The following CD38 variants were observed in gnomAD, a reference collection of about 807,000 sequenced individuals.
CD38 encodes the protein ADP-ribosyl cyclase/cyclic ADP-ribose hydrolase 1.
In CD38, 31 loss-of-function variants were observed where a neutral mutation model predicts 36.3. The observed-to-expected ratio is 0.85, with a 90% CI of 0.64 to 1.15. CD38 has a LOEUF of 1.15. CD38 is among the 50% of genes most tolerant of loss of function. The probability of loss-of-function intolerance (pLI) is 0.00; values close to 1 mark genes in which losing one functional copy is unlikely to be tolerated. For missense variants in CD38, 380 were observed against 371.9 expected, an observed-to-expected ratio of 1.02 and a Z score of -0.18; for synonymous variants, 131 against 135.2, an observed-to-expected ratio of 0.97 and a Z score of 0.22.
At chr4:15,842,072 C>G (rs1010992741) in intron 7 of CD38, among the ~76,000 whole-genome samples, 1 of 133,582 alleles carries the variant, frequency 7.5e-6, no homozygotes, top group Non-Finnish European at 1.6e-5. Flanking sequence ...CTCAAGGAGG[C>G]CTGCCTGCCT....
chr4:15,827,961 T>C (rs1723884988), intron 3 of CD38, among the ~76,000 whole-genome samples: 1 of 152,304 alleles, frequency 6.6e-6, no homozygotes, highest in African/African-American at 2.4e-5. Context: ...AATGAATTTA[T>C]GAATACAATG....
At chr4:15,823,613 A>T (rs1723785507) in intron 2 of CD38, among the ~76,000 whole-genome samples, 1 of 152,180 alleles carries the variant, frequency 6.6e-6, no homozygotes, top group South Asian at 2.1e-4. Flanking sequence ...GCAAATCAAA[A>T]CCACAATCTC....
chr4:15,824,958 C>T lies in CD38; in HGVS notation c.441C>T (p.Asp147=), dbSNP rs1471520360. 9 of 1,613,894 alleles carry T rather than the reference C, an allele frequency of 5.6e-6. No homozygotes were observed. The highest frequency in any genetic ancestry group is 7.6e-6 in the Non-Finnish European group (9 of 1,179,880). ...AGCGGGACATGTTCACCCTGGAGGA[C>T]ACGCTGCTAGGCTACCTTGCTGATG... is the stretch of plus-strand genomic sequence containing the variant. ...QVQRDMFTLE[D]TLLGYLADDL... Residue 147 remains aspartate, a synonymous_variant, in exon 3 of 8, where the codon GAC becomes GAT. Transcript: ENST00000226279.
At chr4:15,841,600 C>G (rs940519454) in intron 7 of CD38, among the ~76,000 whole-genome samples, 4 of 148,844 alleles carry the variant, frequency 2.7e-5, no homozygotes, top group African/African-American at 1.0e-4. Flanking sequence ...CAGCTCCCAG[C>G]GTGAGCGACG....
intron 2 of CD38, among the ~76,000 whole-genome samples, chr4:15,821,866 G>A (rs965966223): frequency 3.3e-4 from 50 of 151,270 alleles, no homozygotes; most frequent in African/African-American, 1.1e-3. Context: ...ATAAAAACTG[G>A]CAGAGATTTA....
intron 1 of CD38, among the ~76,000 whole-genome samples, chr4:15,806,971 C>A (rs556192004): frequency 5.7e-4 from 87 of 152,246 alleles, no homozygotes; most frequent in African/African-American, 1.9e-3. Context: ...TTGTCATAAT[C>A]CCTTTGATTC....
At chr4:15,799,669 C>G (rs141625636) in intron 1 of CD38, among the ~76,000 whole-genome samples, 1 of 152,202 alleles carries the variant, frequency 6.6e-6, no homozygotes, top group African/African-American at 2.4e-5. Context: ...TTTTTGGATA[C>G]AATGAATAGA....
At chr4:15,808,288 C>G (rs1304253066) in intron 1 of CD38, among the ~76,000 whole-genome samples, 2 of 152,210 alleles carry the variant, frequency 1.3e-5, no homozygotes, top group African/African-American at 4.8e-5. Context: ...GGCACCAACA[C>G]TGTCTTACCT....
chr4:15,781,780 G>T (rs1021544541), intron 1 of CD38, among the ~76,000 whole-genome samples: 9 of 152,144 alleles, frequency 5.9e-5, no homozygotes, highest in African/African-American at 1.7e-4. Context: ...TAATCATCAC[G>T]TACATGTTTT....
rs948640003 is a variant in CD38 at position 15,850,328 on chromosome 4, A to G, written c.*1726A>G. On this transcript the variant is annotated 3_prime_UTR_variant, in exon 8 of 8. Coordinates refer to ENST00000226279, the MANE Select transcript of CD38 (RefSeq NM_001775.4). ...AAAGCAAAAATAAAGAAAATAAACC[A>G]TATGTGTTGAACAAAGGATTAATAA... 3.3e-5 allele frequency: 5 copies of G among 152,166 alleles called. No individual in the cohort carries two copies. The highest frequency in any genetic ancestry group is 1.3e-4 in the Admixed American group (2 of 15,270). The allele number at this position is 152,166 out of a possible 1,614,324, so 9.4% of individuals were successfully genotyped here.
At chr4:15,788,830 T>C (rs1722895716) in intron 1 of CD38, among the ~76,000 whole-genome samples, 1 of 152,238 alleles carries the variant, frequency 6.6e-6, no homozygotes, top group African/African-American at 2.4e-5. Flanking sequence ...ACAAACTTAG[T>C]TCAGAGAATA....
intron 2 of CD38, among the ~76,000 whole-genome samples, chr4:15,822,297 C>T (rs1467049484): frequency 6.6e-6 from 1 of 152,136 alleles, no homozygotes; most frequent in Non-Finnish European, 1.5e-5. Flanking sequence ...CAAGGATGTC[C>T]TCTCTCACCA....
rs1205556976 is a variant in CD38, at chr4:15,802,282, T to A, written c.234-14229T>A. 2.6e-5 allele frequency among the ~76,000 whole-genome samples: 4 copies of A among 151,892 alleles called. No homozygotes were observed. The East Asian group carries it at 7.7e-4, about 29-fold the overall frequency. ...GACTACAGAACACTAATAAAAGAAA[T>A]TGAAGAGGACATAAAAAATTGGATA... On this transcript the variant is annotated intron_variant, in intron 1 of 7. Coordinates refer to ENST00000226279, the MANE Select transcript of CD38 (RefSeq NM_001775.4).
At chr4:15,783,923 G>T (rs1281778478) in intron 1 of CD38, among the ~76,000 whole-genome samples, 1 of 152,182 alleles carries the variant, frequency 6.6e-6, no homozygotes, top group Non-Finnish European at 1.5e-5. Flanking sequence ...GCAAATTTAT[G>T]CAAACACTTA....
In CD38 at chr4:15,816,498, T is replaced by G. The variant is rs753134841; in HGVS notation, c.234-13T>G. The G allele has an allele frequency of 4.5e-6, 7 of 1,568,718 alleles. No homozygotes were observed. Among genetic ancestry groups the G allele is most frequent in the Non-Finnish European group, 6.1e-6 (7 of 1,156,754 alleles). On this transcript the variant is annotated splice_polypyrimidine_tract_variant and intron_variant, in intron 1 of 7. Transcript: ENST00000226279. ...CAAATAATTTATGTTTTATTTTCTG[T>G]GTTTTATCTCAGACATGTAGACTGC...
intron 1 of CD38, among the ~76,000 whole-genome samples, chr4:15,781,188 T>C (rs534238690): frequency 6.6e-6 from 1 of 152,300 alleles, no homozygotes; most frequent in African/African-American, 2.4e-5. Context: ...GATCATTAGG[T>C]ATATTTTCTG....
At chr4:15,794,775 G>GA (rs58584002) in intron 1 of CD38, among the ~76,000 whole-genome samples, 1 of 151,842 alleles carries the variant, frequency 6.6e-6, no homozygotes, top group Admixed American at 6.6e-5. Flanking sequence ...GTTTTCATAG[G>GA]AAAAAAATGG....
At chr4:15,820,683 A>G (rs1723713646) in intron 2 of CD38, among the ~76,000 whole-genome samples, 4 of 152,382 alleles carry the variant, frequency 2.6e-5, no homozygotes, top group Admixed American at 2.6e-4. Context: ...ACCGAGATTC[A>G]TAAAACAAGT....
intron 1 of CD38, among the ~76,000 whole-genome samples, chr4:15,784,137 T>C (rs1223992428): frequency 9.9e-5 from 15 of 152,200 alleles, no homozygotes; most frequent in Admixed American, 9.8e-4. Context: ...GAGCCATTGC[T>C]TCTGTGCAGT....
Sources: allele counts gnomAD v4.1 joint callset (sites outside exome capture counted in the v4.1 genomes callset), GRCh38; gene constraint gnomAD v4.1.1; transcripts MANE v1.5; gene names NCBI Gene and HGNC (gene_info 2026-07-23, HGNC 2026-07-21).